The following FER variants were observed in gnomAD, a reference collection of about 807,000 sequenced individuals.
FER encodes the protein FER tyrosine kinase, also known as tyrosine-protein kinase Fer.
FER carries 63 observed loss-of-function variants against 111.0 expected under a neutral mutation model. The ratio of observed to expected loss-of-function variants is 0.57; its 90% CI spans 0.46 to 0.70. The LOEUF is 0.70. Among genes scored for constraint, FER ranks in the 30% least tolerant of loss-of-function variants. The pLI, the probability that FER is intolerant of heterozygous loss-of-function variation, is 0.00. For synonymous variants in FER, 327 were observed against 313.9 expected, an observed-to-expected ratio of 1.04 and a Z score of -0.44; for missense variants, 914 against 954.0, an observed-to-expected ratio of 0.96 and a Z score of 0.55.
intron 10 of FER, among the ~76,000 whole-genome samples, chr5:108,903,778 A>G (rs943070365): frequency 2.0e-5 from 3 of 152,214 alleles, no homozygotes; most frequent in Non-Finnish European, 4.4e-5. Flanking sequence ...GATTTTCTGT[A>G]AGATTATTTT....
intron 10 of FER, among the ~76,000 whole-genome samples, chr5:108,919,389 G>A (rs148392282): frequency 2.3e-3 from 353 of 152,028 alleles, no homozygotes; most frequent in African/African-American, 8.1e-3. Flanking sequence ...ATTTTGGAGG[G>A]AGGGTTTTTC....
At chr5:109,029,290 A>G (rs1222552303) in intron 13 of FER, among the ~76,000 whole-genome samples, 44 of 144,184 alleles carry the variant, frequency 3.1e-4, no homozygotes, top group Non-Finnish European at 5.4e-4. Flanking sequence ...GTACATGTGC[A>G]CAATGTGCAG....
intron 16 of FER, among the ~76,000 whole-genome samples, chr5:109,078,312 T>G (rs1379968581): frequency 6.6e-6 from 1 of 152,186 alleles, no homozygotes; most frequent in Non-Finnish European, 1.5e-5. Context: ...ATCAGGTAGT[T>G]TATTAGTTTA....
chr5:108,807,023 C>T (rs1757279936), intron 3 of FER, among the ~76,000 whole-genome samples: 1 of 152,104 alleles, frequency 6.6e-6, no homozygotes, highest in Non-Finnish European at 1.5e-5. Flanking sequence ...TCCCACAATT[C>T]CCATGTGTTG....
intron 17 of FER, among the ~76,000 whole-genome samples, chr5:109,147,202 G>C (rs1176058820): frequency 6.6e-6 from 1 of 151,870 alleles, no homozygotes; most frequent in Non-Finnish European, 1.5e-5. Context: ...AAATTGAATA[G>C]TCATTAAAGA....
chr5:108,866,227 C>T (rs1764039250), intron 5 of FER, among the ~76,000 whole-genome samples: 1 of 152,144 alleles, frequency 6.6e-6, no homozygotes. Context: ...AAATATGGCA[C>T]ATATACACCA....
At position 108,885,554 on chromosome 5, in the gene FER, A is replaced by G. The variant is rs140007051; in HGVS notation, c.1046+2036A>G. 2.7e-3 allele frequency among the ~76,000 whole-genome samples: 409 copies of G among 151,970 alleles called. 1 individual carries two copies. Among genetic ancestry groups the G allele is most frequent in the African/African-American group, 9.4e-3 (391 of 41,512 alleles). On this transcript the variant is annotated intron_variant, in intron 9 of 19. Transcript: ENST00000281092. The stretch of plus-strand genomic sequence containing the variant: ...GTGCCAGCATGATTGGGTTCTTGTG[A>G]GGACTCTTTTCCAGACTGCAGACTG...
chr5:109,174,903 T>G (rs899931562), intron 17 of FER, among the ~76,000 whole-genome samples: 1 of 152,188 alleles, frequency 6.6e-6, no homozygotes, highest in Non-Finnish European at 1.5e-5. Flanking sequence ...GGGATTCAAT[T>G]TCTGCTTTCC....
At chr5:109,156,438 C>A (rs535594889) in intron 17 of FER, among the ~76,000 whole-genome samples, 1 of 152,078 alleles carries the variant, frequency 6.6e-6, no homozygotes, top group East Asian at 1.9e-4. Flanking sequence ...TTTTAGGTAG[C>A]TGTAGGATAG....
chr5:108,799,551 C>T (rs1354300172), intron 3 of FER, among the ~76,000 whole-genome samples: 1 of 151,892 alleles, frequency 6.6e-6, no homozygotes, highest in Non-Finnish European at 1.5e-5. Flanking sequence ...GAGATGGCCA[C>T]AAAAAATACA....
intron 16 of FER, among the ~76,000 whole-genome samples, chr5:109,069,713 A>C (rs1417678486): frequency 6.6e-6 from 1 of 152,132 alleles, no homozygotes; most frequent in African/African-American, 2.4e-5. Flanking sequence ...GTTGATGTCA[A>C]AGATTGTTCA....
chr5:109,041,890 C>G (rs1183877426), intron 14 of FER, among the ~76,000 whole-genome samples: 1 of 152,042 alleles, frequency 6.6e-6, no homozygotes, highest in African/African-American at 2.4e-5. Context: ...GTTCTATCTG[C>G]AGGGCATTAG....
chr5:108,870,277 A>G (rs1764477653), intron 6 of FER, among the ~76,000 whole-genome samples: 2 of 151,952 alleles, frequency 1.3e-5, no homozygotes, highest in Admixed American at 6.6e-5. Flanking sequence ...GATGTTTTTC[A>G]TTTTTCCTCC....
intron 17 of FER, among the ~76,000 whole-genome samples, chr5:109,117,500 A>G (rs1750392329): frequency 6.6e-6 from 1 of 152,158 alleles, no homozygotes; most frequent in African/African-American, 2.4e-5. Context: ...CTAAATTTTT[A>G]TAATAATTTG....
At chr5:108,955,118 T>A (rs1390139193) in intron 12 of FER, among the ~76,000 whole-genome samples, 186 bp downstream of exon 12, 1 of 151,892 alleles carries the variant, frequency 6.6e-6, no homozygotes, top group African/African-American at 2.4e-5. Flanking sequence ...TAAGGAAACA[T>A]GTATTTAGTA....
At chr5:109,131,740 T>G (rs1272211687) in intron 17 of FER, among the ~76,000 whole-genome samples, 1 of 152,160 alleles carries the variant, frequency 6.6e-6, no homozygotes, top group African/African-American at 2.4e-5. Flanking sequence ...CATATGCCAT[T>G]ATGGTATTTG....
intron 17 of FER, among the ~76,000 whole-genome samples, chr5:109,106,930 A>G (rs181304467): frequency 6.6e-6 from 1 of 152,334 alleles, no homozygotes; most frequent in Non-Finnish European, 1.5e-5. Flanking sequence ...AAAGGGTCAG[A>G]GGACAGTAGT....
At chr5:109,086,263 C>G (rs1777552694) in intron 16 of FER, among the ~76,000 whole-genome samples, 2 of 139,026 alleles carry the variant, frequency 1.4e-5, no homozygotes, top group African/African-American at 5.6e-5. Flanking sequence ...CTTTAGTTGT[C>G]TTTCAAGGTA....
At chr5:108,869,467 G>A (rs543080758) in intron 6 of FER, among the ~76,000 whole-genome samples, 15 of 133,442 alleles carry the variant, frequency 1.1e-4, no homozygotes, top group South Asian at 8.8e-4. Context: ...CTTTGCAGAT[G>A]TAATTAGTCA....
Sources: allele counts gnomAD v4.1 joint callset (sites outside exome capture counted in the v4.1 genomes callset), GRCh38; gene constraint gnomAD v4.1.1; transcripts MANE v1.5; gene names NCBI Gene and HGNC (gene_info 2026-07-23, HGNC 2026-07-21).